The following GIGYF2 variants were observed in gnomAD, a reference collection of about 807,000 sequenced individuals.
GIGYF2 encodes the protein GRB10 interacting GYF protein 2.
GIGYF2 carries 25 observed loss-of-function variants against 208.1 expected under a neutral mutation model. The observed-to-expected ratio is 0.12, with a 90% CI of 0.09 to 0.17. The LOEUF (loss-of-function observed/expected upper bound fraction) is 0.17. Ranked by LOEUF, GIGYF2 falls within the 10% of genes least tolerant of loss-of-function variation. GIGYF2 has a pLI of 1.00. For missense variants in GIGYF2, 1,302 were observed against 1,579.4 expected, an observed-to-expected ratio of 0.82 and a Z score of 2.98; for synonymous variants, 534 against 543.8, an observed-to-expected ratio of 0.98 and a Z score of 0.25.
intron 2 of GIGYF2, among the ~76,000 whole-genome samples, chr2:232,733,770 A>T (rs1285994632): frequency 6.6e-6 from 1 of 152,218 alleles, no homozygotes; most frequent in African/African-American, 2.4e-5. Flanking sequence ...CCTCTAGATT[A>T]CTTATAATGC....
intron 22 of GIGYF2, among the ~76,000 whole-genome samples, chr2:232,837,902 T>G (rs1426407616): frequency 6.6e-6 from 1 of 152,238 alleles, no homozygotes; most frequent in Non-Finnish European, 1.5e-5. Flanking sequence ...GGTAGCAATG[T>G]CAGCGCAGAA....
chr2:232,801,409 C>T (rs1192985616), intron 14 of GIGYF2, among the ~76,000 whole-genome samples: 1 of 152,050 alleles, frequency 6.6e-6, no homozygotes, highest in Non-Finnish European at 1.5e-5. Context: ...CCTGTAGTCC[C>T]AGCTACTTGG....
chr2:232,797,754 G>A (rs1213740309), intron 14 of GIGYF2, among the ~76,000 whole-genome samples: 1 of 152,016 alleles, frequency 6.6e-6, no homozygotes, highest in African/African-American at 2.4e-5. Context: ...GCCAGGGTGG[G>A]TAGACCACTT....
rs921698950 is a variant in GIGYF2 at position 232,852,480 on chromosome 2, G to A, written c.3832+2071G>A. 1.5e-4 allele frequency among the ~76,000 whole-genome samples: 23 copies of A among 152,276 alleles called. No individual in the cohort carries two copies. In the South Asian group the frequency reaches 3.1e-3, roughly 21 times the overall value. ...GAATCACTTGAGCAGCCTAGGAGGC[G>A]GAGGTTGCAGTGAGCTGAGATCACG... On this transcript the variant is annotated intron_variant, in intron 28 of 28. Transcript: ENST00000373563.
At chr2:232,796,036 C>T (rs1700212189) in intron 13 of GIGYF2, 26 bp from the exon 14 acceptor site, 1 of 1,580,712 alleles carries the variant, frequency 6.3e-7, no homozygotes, top group African/African-American at 1.3e-5. Flanking sequence ...CATTTGTTTC[C>T]TTGATTTTTG....
intron 5 of GIGYF2, among the ~76,000 whole-genome samples, chr2:232,754,173 G>T (rs997141129): frequency 7.9e-6 from 1 of 126,172 alleles, no homozygotes; most frequent in South Asian, 2.7e-4. Context: ...TCAAAAAAAA[G>T]AAAAAAAAAA....
chr2:232,785,422 A>C (rs1699879365), intron 8 of GIGYF2, among the ~76,000 whole-genome samples: 1 of 152,068 alleles, frequency 6.6e-6, no homozygotes, highest in Non-Finnish European at 1.5e-5. Context: ...AGACTCACTC[A>C]TGTTTCTGGT....
chr2:232,833,166 G>GTA lies in GIGYF2; in HGVS notation c.2766+74_2766+75dup. The GTA allele has an allele frequency of 3.4e-6, 3 of 888,436 alleles. No individual in the cohort carries two copies. In the South Asian group the frequency reaches 4.3e-5, roughly 13 times the overall value. 55.0% of individuals were successfully genotyped at this position (888,436 alleles called of 1,614,324 possible). A position where few individuals can be genotyped will look rare whatever the true frequency, so the allele number is the denominator to read the frequency against. On this transcript the variant is annotated intron_variant, in intron 22 of 28. Coordinates refer to ENST00000373563, the MANE Select transcript of GIGYF2 (RefSeq NM_001103146.3). ...AGTTAGGTAGGTGCTGGCTGTACCA[G>GTA]TAGCAGTAAAACTGTTCTTTCTTTC...
intron 7 of GIGYF2, among the ~76,000 whole-genome samples, chr2:232,760,934 G>C (rs190501295): frequency 1.3e-4 from 20 of 151,898 alleles, no homozygotes; most frequent in Non-Finnish European, 2.9e-4. Flanking sequence ...CAAGATGAGT[G>C]GGGGCAATTG....
In GIGYF2 at chr2:232,803,773, C is replaced by T. The variant is rs1224895498; in HGVS notation, c.1640-2718C>T. On this transcript the variant is annotated intron_variant, in intron 14 of 28. Coordinates refer to ENST00000373563, the MANE Select transcript of GIGYF2 (RefSeq NM_001103146.3). ...CGCAATCTCGGCTCACTGCAAGCTCCGCTTCCCGGGTTCACGCCATTCTCC... is the reference window on the plus strand; with the variant it reads ...CGCAATCTCGGCTCACTGCAAGCTCTGCTTCCCGGGTTCACGCCATTCTCC... 2.7e-4 allele frequency among the ~76,000 whole-genome samples: 6 copies of T among 21,882 alleles called. 3 individuals carry two copies. Among genetic ancestry groups the T allele is most frequent in the African/African-American group, 1.7e-3 (6 of 3,534 alleles). The allele number at this position is 21,882 out of a possible 152,430, so 14.4% of individuals were successfully genotyped here. A position where few individuals can be genotyped will look rare whatever the true frequency, so the allele number is the denominator to read the frequency against.
At chr2:232,786,141 A>G (rs1294811361) in intron 8 of GIGYF2, among the ~76,000 whole-genome samples, 2 of 152,226 alleles carry the variant, frequency 1.3e-5, no homozygotes, top group Non-Finnish European at 2.9e-5. Flanking sequence ...CTTTTGAGAC[A>G]TTAGGTTAGA....
rs544335183 is a variant in GIGYF2, at chr2:232,845,894, T to A, written c.3460+8T>A. 6.4e-7 allele frequency: 1 copy of A among 1,569,800 alleles called. No homozygotes were observed. The highest frequency in any genetic ancestry group is 1.4e-5 in the African/African-American group (1 of 74,030). On this transcript the variant is annotated splice_region_variant and intron_variant, in intron 26 of 28. Coordinates refer to ENST00000373563, the MANE Select transcript of GIGYF2 (RefSeq NM_001103146.3). ...CGGCAAATAACTTGGATGGTAAGAATTGGGGAGGGAAACCCGGCATGTGGA... is the reference window on the plus strand; with the variant it reads ...CGGCAAATAACTTGGATGGTAAGAAATGGGGAGGGAAACCCGGCATGTGGA...
At position 232,833,101 on chromosome 2, in the gene GIGYF2, C is replaced by T. The variant is rs1265285146; in HGVS notation, c.2766+8C>T. 4 of 1,544,336 alleles carry T rather than the reference C, an allele frequency of 2.6e-6. No homozygotes were observed. In the African/African-American group the frequency reaches 5.5e-5, roughly 21 times the overall value. On this transcript the variant is annotated splice_region_variant and intron_variant, in intron 22 of 28. Transcript: ENST00000373563. Reference sequence around the variant, plus strand: ...CAGCTGGCGCAGATGAAGGTAAAGCCCGAGGCATCAACCTTAGGAGCTCCT... The same window carrying T: ...CAGCTGGCGCAGATGAAGGTAAAGCTCGAGGCATCAACCTTAGGAGCTCCT...
At position 232,723,516 on chromosome 2, in the gene GIGYF2, G is replaced by A. The variant is rs192187489; in HGVS notation, c.-43-11639G>A. On this transcript the variant is annotated intron_variant, in intron 2 of 28. Coordinates refer to ENST00000373563, the MANE Select transcript of GIGYF2 (RefSeq NM_001103146.3). The stretch of plus-strand genomic sequence containing the variant: ...CACGATCTCAGCTCACTGCAACCCC[G>A]CCCCCTGGGTTCAAGCGATTCTTCT... Among the ~76,000 whole-genome samples the A allele has an allele frequency of 4.0e-4, 54 of 134,256 alleles. No individual in the cohort carries two copies. The Admixed American group carries it at 4.2e-3, about 11-fold the overall frequency. 88.1% of individuals were successfully genotyped at this position (134,256 alleles called of 152,430 possible). A position where few individuals can be genotyped will look rare whatever the true frequency, so the allele number is the denominator to read the frequency against.
chr2:232,785,560 C>T (rs1333336590), intron 8 of GIGYF2, among the ~76,000 whole-genome samples: 1 of 152,318 alleles, frequency 6.6e-6, no homozygotes, highest in Middle Eastern at 3.4e-3. Context: ...TAAGTGGCAT[C>T]TCATCACTTC....
chr2:232,790,940 T>C (rs559298886), intron 10 of GIGYF2, 25 bp downstream of exon 10: 2 of 1,612,126 alleles, frequency 1.2e-6, no homozygotes, highest in South Asian at 2.2e-5. Context: ...TTAAATGTCA[T>C]GACCAGCATT....
intron 8 of GIGYF2, chr2:232,767,888 C>T (rs1351913240): frequency 2.8e-6 from 1 of 353,292 alleles, no homozygotes; most frequent in African/African-American, 2.1e-5. Flanking sequence ...ACTTCACTGT[C>T]CATTTTGCCT....
Position 232,791,126 on chromosome 2 carries a change from A to C in GIGYF2, c.1049A>C (p.Lys350Thr). The C allele has an allele frequency of 6.2e-7, 1 of 1,614,132 alleles. No homozygotes were observed. The change falls in exon 11 of 29, where the codon AAG becomes ACG. Residue 350 changes from lysine to threonine, a missense_variant. Lys to Thr is a moderately conservative substitution (Grantham distance 78). Coordinates refer to ENST00000373563, the MANE Select transcript of GIGYF2 (RefSeq NM_001103146.3). ...SHNEEAKEPD[K>T]TNKKEGEKTD... is the part of the protein sequence containing the mutation. Reference sequence around the variant, plus strand: ...AATGAAGAGGCCAAAGAACCCGATAAGACAAATAAGAAAGAAGGAGAGAAA... The same window carrying C: ...AATGAAGAGGCCAAAGAACCCGATACGACAAATAAGAAAGAAGGAGAGAAA...
In GIGYF2 at chr2:232,787,337, T is replaced by G; in HGVS notation, c.712+8T>G. 1.2e-6 allele frequency: 2 copies of G among 1,612,218 alleles called. No individual in the cohort carries two copies. Among genetic ancestry groups the G allele is most frequent in the Non-Finnish European group, 1.7e-6 (2 of 1,178,398 alleles). On this transcript the variant is annotated splice_region_variant and intron_variant, in intron 9 of 28. Transcript: ENST00000373563. The stretch of plus-strand genomic sequence containing the variant: ...GGCGACCTCACAGTCCTGGTAAGAA[T>G]TCTGTTGAGTAAAGGCACACAGGGA...
Sources: gnomAD v4.1 joint callset for allele counts (sites outside exome capture counted in the v4.1 genomes callset) on GRCh38, gnomAD v4.1.1 for gene constraint, MANE v1.5 for transcripts, NCBI Gene and HGNC (gene_info 2026-07-23, HGNC 2026-07-21) for gene names.